TNIK: variants seen among roughly 807,000 people sequenced by gnomAD.
TNIK encodes the protein TRAF2 and NCK-interacting protein kinase.
TNIK carries 49 observed loss-of-function variants against 191.3 expected under a neutral mutation model. That is an observed-to-expected ratio of 0.26 (90% CI 0.20 to 0.32). The LOEUF is 0.32. Ranked by LOEUF, TNIK falls within the 10% of genes least tolerant of loss-of-function variation. TNIK has a pLI of 1.00. For synonymous variants in TNIK, 594 were observed against 600.9 expected, an observed-to-expected ratio of 0.99 and a Z score of 0.17; for missense variants, 1,155 against 1,702.3, an observed-to-expected ratio of 0.68 and a Z score of 5.66.
chr3:171,212,428 T>A (rs1264097719), intron 3 of TNIK, among the ~76,000 whole-genome samples: 3 of 152,112 alleles, frequency 2.0e-5, no homozygotes, highest in Admixed American at 6.5e-5. Flanking sequence ...TTTGTTGACA[T>A]TGGTATGGAG....
At chr3:171,341,739 A>C (rs543142811) in intron 2 of TNIK, among the ~76,000 whole-genome samples, 64 of 152,274 alleles carry the variant, frequency 4.2e-4, no homozygotes, top group African/African-American at 1.4e-3. Flanking sequence ...CCTAGTCTTT[A>C]TCCTTATGGC....
intron 15 of TNIK, 45 bp downstream of exon 15, chr3:171,138,146 G>C (rs779760420): frequency 6.7e-7 from 1 of 1,497,384 alleles, no homozygotes; most frequent in Non-Finnish European, 8.9e-7. Flanking sequence ...ACTCATTAGA[G>C]TCAAAAGCCT....
At chr3:171,402,729 T>A (rs561667357) in intron 1 of TNIK, among the ~76,000 whole-genome samples, 14 of 152,168 alleles carry the variant, frequency 9.2e-5, no homozygotes, top group Non-Finnish European at 1.5e-4. Flanking sequence ...CTCCAAAATT[T>A]AGGAATTTTT....
intron 25 of TNIK, 132 bp from the exon 26 acceptor site, chr3:171,084,457 C>A (rs1411893598): frequency 1.9e-6 from 2 of 1,057,500 alleles, no homozygotes; most frequent in Non-Finnish European, 2.7e-6. Context: ...TGAAACTCTC[C>A]TTATTTTACA....
intron 32 of TNIK, 28 bp from the exon 33 acceptor site, chr3:171,063,992 C>G: frequency 6.2e-7 from 1 of 1,603,804 alleles, no homozygotes; most frequent in Non-Finnish European, 8.5e-7. Flanking sequence ...GAAGTTAGTT[C>G]AACTGCATGG....
intron 30 of TNIK, among the ~76,000 whole-genome samples, chr3:171,067,958 C>T (rs1718681601): frequency 6.6e-6 from 1 of 152,128 alleles, no homozygotes; most frequent in South Asian, 2.1e-4. Flanking sequence ...TATACTGAAA[C>T]AACTTCTTTT....
At chr3:171,430,635 T>G (rs1045240113) in intron 1 of TNIK, among the ~76,000 whole-genome samples, 13 of 63,460 alleles carry the variant, frequency 2.0e-4, no homozygotes, top group African/African-American at 6.4e-4. Context: ...ACACCTTGTC[T>G]CAAAAAACAG....
chr3:171,278,363 T>C (rs1428491189), intron 2 of TNIK, among the ~76,000 whole-genome samples: 1 of 152,216 alleles, frequency 6.6e-6, no homozygotes, highest in Non-Finnish European at 1.5e-5. Context: ...TTTCTGCTTG[T>C]TTCTCAATGT....
At chr3:171,123,119 G>A (rs1050221030) in intron 18 of TNIK, among the ~76,000 whole-genome samples, 1 of 152,210 alleles carries the variant, frequency 6.6e-6, no homozygotes, top group African/African-American at 2.4e-5. Context: ...CCAAGCTAGA[G>A]AAGCTCTGAA....
intron 2 of TNIK, among the ~76,000 whole-genome samples, chr3:171,257,059 C>T (rs932421775): frequency 1.3e-5 from 2 of 152,096 alleles, no homozygotes; most frequent in Admixed American, 6.5e-5. Flanking sequence ...ACATGACAAG[C>T]GGCTGCACAG....
At chr3:171,419,612 T>C (rs1373846624) in intron 1 of TNIK, among the ~76,000 whole-genome samples, 1 of 152,226 alleles carries the variant, frequency 6.6e-6, no homozygotes, top group East Asian at 1.9e-4. Flanking sequence ...CAGATCCCAG[T>C]GCTCCCACTC....
chr3:171,198,468 T>C (rs1005693354), intron 4 of TNIK, among the ~76,000 whole-genome samples: 11 of 152,182 alleles, frequency 7.2e-5, no homozygotes, highest in Non-Finnish European at 1.5e-4. Flanking sequence ...TAGATACTCA[T>C]GATGGTTGCA....
chr3:171,083,354 C>G (rs1720927394), intron 26 of TNIK, among the ~76,000 whole-genome samples: 3 of 152,110 alleles, frequency 2.0e-5, no homozygotes, highest in South Asian at 4.1e-4. Context: ...GAAATGGTTC[C>G]TAGGCTTCAC....
intron 2 of TNIK, among the ~76,000 whole-genome samples, chr3:171,280,523 A>G (rs1750304867): frequency 6.6e-6 from 1 of 152,214 alleles, no homozygotes; most frequent in Admixed American, 6.5e-5. Flanking sequence ...CCTGGCACAT[A>G]CTATATTGTT....
chr3:171,292,596 G>A (rs1279892490), intron 2 of TNIK, among the ~76,000 whole-genome samples: 2 of 152,104 alleles, frequency 1.3e-5, no homozygotes, highest in Non-Finnish European at 2.9e-5. Flanking sequence ...CTAACATGGT[G>A]AAACCCTGTC....
rs548856545 is a variant in TNIK at position 171,066,377 on chromosome 3, ACTC to A, written c.3860-54_3860-52del. 1.0e-3 allele frequency: 1,613 copies of A among 1,609,128 alleles called. 2 individuals carry two copies. The highest frequency in any genetic ancestry group is 4.6e-3 in the South Asian group (413 of 90,526). ...CATTAAAAACATTAGATGGGCAATAACTCACAGCATCTGTTCACATCTTAACCA... is the reference window on the plus strand; with the variant it reads ...CATTAAAAACATTAGATGGGCAATAAACAGCATCTGTTCACATCTTAACCA... On this transcript the variant is annotated intron_variant, in intron 31 of 32. Transcript: ENST00000436636.
intron 15 of TNIK, among the ~76,000 whole-genome samples, chr3:171,132,661 G>A (rs1411583676): frequency 2.0e-5 from 3 of 152,170 alleles, no homozygotes; most frequent in Non-Finnish European, 4.4e-5. Flanking sequence ...AAAACAATTT[G>A]TAGGTTACAG....
intron 28 of TNIK, among the ~76,000 whole-genome samples, chr3:171,078,589 T>G (rs1720289682): frequency 6.6e-6 from 1 of 152,312 alleles, no homozygotes; most frequent in South Asian, 2.1e-4. Flanking sequence ...TTACATTTTC[T>G]TCCACTCCTT....
At chr3:171,241,255 C>T (rs550275938) in intron 2 of TNIK, among the ~76,000 whole-genome samples, 1 of 152,122 alleles carries the variant, frequency 6.6e-6, no homozygotes, top group Non-Finnish European at 1.5e-5. Context: ...GTCTCAAACT[C>T]CCGACCTCAG....
Sources: gnomAD v4.1 joint callset for allele counts (sites outside exome capture counted in the v4.1 genomes callset) on GRCh38, gnomAD v4.1.1 for gene constraint, MANE v1.5 for transcripts, NCBI Gene and HGNC (gene_info 2026-07-23, HGNC 2026-07-21) for gene names.